Variants in TET2 observed in about 807,000 individuals in gnomAD.
TET2 encodes methylcytosine dioxygenase TET2.
Under a neutral mutation model 142.9 loss-of-function variants are expected in TET2, and 299 were observed. That is an observed-to-expected ratio of 2.09 (90% CI 1.90 to 2.30). The LOEUF (loss-of-function observed/expected upper bound fraction) is 2.30, where lower values mean the gene tolerates loss of function less well. Ranked by LOEUF, TET2 falls within the 30% of genes most tolerant of loss-of-function variation. The pLI is 0.00. For missense variants in TET2, 2,418 were observed against 2,378.0 expected, an observed-to-expected ratio of 1.02 and a Z score of -0.35; for synonymous variants, 819 against 849.0, an observed-to-expected ratio of 0.96 and a Z score of 0.61.
chr4:105,178,892 AT>A (rs972541322), intron 1 of TET2, among the ~76,000 whole-genome samples: 1 of 152,208 alleles, frequency 6.6e-6, no homozygotes. Flanking sequence ...AGACTGAGTA[AT>A]TTATAAAGGA....
intron 6 of TET2, among the ~76,000 whole-genome samples, chr4:105,258,861 G>A (rs1730278573): frequency 1.3e-5 from 2 of 152,068 alleles, no homozygotes; most frequent in Admixed American, 6.6e-5. Context: ...GGGCTATAAA[G>A]CTGTAATACT....
At chr4:105,208,399 A>G (rs1474413018) in intron 2 of TET2, among the ~76,000 whole-genome samples, 1 of 152,124 alleles carries the variant, frequency 6.6e-6, no homozygotes. Context: ...ACTCCCCAAC[A>G]TACTCCTCTG....
chr4:105,165,149 C>T (rs973242715), intron 1 of TET2, among the ~76,000 whole-genome samples: 26 of 151,976 alleles, frequency 1.7e-4, no homozygotes, highest in Non-Finnish European at 8.8e-5. Flanking sequence ...CCGAGGCGGG[C>T]AGATCACCTG....
intron 1 of TET2, among the ~76,000 whole-genome samples, chr4:105,163,381 T>C (rs189810244): frequency 6.6e-6 from 1 of 152,298 alleles, no homozygotes; most frequent in East Asian, 1.9e-4. Flanking sequence ...GAATCATGGA[T>C]TGCTACAAGC....
At chr4:105,182,164 T>C (rs1269431111) in intron 1 of TET2, among the ~76,000 whole-genome samples, 1 of 152,228 alleles carries the variant, frequency 6.6e-6, no homozygotes, top group African/African-American at 2.4e-5. Flanking sequence ...AACAGTTGCT[T>C]AATACTTTTT....
At chr4:105,153,630 C>T (rs1723422214) in intron 1 of TET2, among the ~76,000 whole-genome samples, 1 of 152,136 alleles carries the variant, frequency 6.6e-6, no homozygotes. Context: ...GAAACTGAAG[C>T]CCAGTGAGGT....
chr4:105,254,635 C>T (rs1210880797), intron 6 of TET2, among the ~76,000 whole-genome samples: 1 of 152,154 alleles, frequency 6.6e-6, no homozygotes, highest in Admixed American at 6.5e-5. Flanking sequence ...TGGTCTTGAA[C>T]TCCTGGACTC....
chr4:105,237,014 C>T lies in TET2; in HGVS notation c.3072C>T (p.Ile1024=). ...GTGATAATGTGCAGCAAAAGAGCAT[C>T]ATTGAGACCATGGAGCAGCATCTGA... ...ASCDNVQQKS[I]IETMEQHLKQ... Residue 1024 remains isoleucine, a synonymous_variant, in exon 3 of 11, where the codon ATC becomes ATT. Transcript: ENST00000380013. 1 of 1,614,138 alleles carries T rather than the reference C, an allele frequency of 6.2e-7. No individual in the cohort carries two copies. The highest frequency in any genetic ancestry group is 8.5e-7 in the Non-Finnish European group (1 of 1,180,020).
intron 1 of TET2, among the ~76,000 whole-genome samples, chr4:105,162,511 T>C (rs1283009709): frequency 2.0e-5 from 3 of 152,204 alleles, no homozygotes; most frequent in Non-Finnish European, 2.9e-5. Context: ...GCTTTTCACT[T>C]TGAACTTAAA....
chr4:105,204,229 ATAT>A (rs1403829963), intron 2 of TET2, among the ~76,000 whole-genome samples: 1 of 106,558 alleles, frequency 9.4e-6, no homozygotes, highest in African/African-American at 4.1e-5. Context: ...AAAAAAAAAA[ATAT>A]ATACACACAC....
chr4:105,266,499 C>A (rs576724257), intron 8 of TET2, among the ~76,000 whole-genome samples: 1 of 151,992 alleles, frequency 6.6e-6, no homozygotes, highest in South Asian at 2.1e-4. Flanking sequence ...ATATGTGATA[C>A]AATATGTAAA....
At chr4:105,184,958 T>C (rs1725339370) in intron 1 of TET2, among the ~76,000 whole-genome samples, 2 of 152,160 alleles carry the variant, frequency 1.3e-5, no homozygotes, top group African/African-American at 4.8e-5. Context: ...GGTGTACTAA[T>C]ATCACAAAGG....
chr4:105,214,409 C>T (rs1356408093), intron 2 of TET2, among the ~76,000 whole-genome samples: 3 of 144,952 alleles, frequency 2.1e-5, no homozygotes, highest in Non-Finnish European at 4.5e-5. Context: ...TAGGTTCAAG[C>T]AATCCTCCCA....
chr4:105,194,714 C>T (rs894496914), intron 2 of TET2, among the ~76,000 whole-genome samples: 1 of 152,150 alleles, frequency 6.6e-6, no homozygotes, highest in African/African-American at 2.4e-5. Context: ...GCTCTTCAAA[C>T]TGTACTCTTC....
intron 7 of TET2, among the ~76,000 whole-genome samples, chr4:105,261,049 C>T (rs1730397933): frequency 6.6e-6 from 1 of 151,958 alleles, no homozygotes; most frequent in Non-Finnish European, 1.5e-5. Flanking sequence ...TACATCTCTG[C>T]CAGGTGGTTA....
intron 2 of TET2, among the ~76,000 whole-genome samples, chr4:105,224,684 G>GTCCCTCTCTC (rs1728064716): frequency 9.3e-6 from 1 of 108,106 alleles, no homozygotes; most frequent in Non-Finnish European, 1.9e-5. Flanking sequence ...ATATCAGCCA[G>GTCCCTCTCTC]TCTCTCTCTC....
At chr4:105,226,584 C>CCCCTCCCTGTCTCCTT (rs1468384178) in intron 2 of TET2, among the ~76,000 whole-genome samples, 1 of 151,020 alleles carries the variant, frequency 6.6e-6, no homozygotes, top group Non-Finnish European at 1.5e-5. Context: ...GTGGCACGTC[C>CCCCTCCCTGTCTCCTT]CCCTCCCTGT....
rs1271599547 is a variant in TET2, at chr4:105,163,836, AGAGAGAGAGAGAGAGAGAGT to A, written c.-193+16859_-193+16878del. ...GAGAGAGAGAGAGAGAGAGAGAGAGAGAGAGAGAGAGAGAGAGAGTGTGTGTGTGTGTGTGTGTGTGTGTG... is the reference window on the plus strand; with the variant it reads ...GAGAGAGAGAGAGAGAGAGAGAGAGAGTGTGTGTGTGTGTGTGTGTGTGTG... On this transcript the variant is annotated intron_variant, in intron 1 of 10. Transcript: ENST00000380013. Among the ~76,000 whole-genome samples the A allele has an allele frequency of 4.0e-3, 494 of 123,798 alleles. 4 individuals are homozygous for A. Among genetic ancestry groups the A allele is most frequent in the African/African-American group, 0.015 (466 of 30,138 alleles). 81.2% of individuals were successfully genotyped at this position (123,798 alleles called of 152,430 possible). A position where few individuals can be genotyped will look rare whatever the true frequency, so the allele number is the denominator to read the frequency against.
At chr4:105,179,931 A>G (rs1162497622) in intron 1 of TET2, among the ~76,000 whole-genome samples, 6 of 152,240 alleles carry the variant, frequency 3.9e-5, no homozygotes, top group Non-Finnish European at 8.8e-5. Flanking sequence ...TTTTTCTAGC[A>G]TGCAGAGTAT....
Sources: gnomAD v4.1 joint callset for allele counts (sites outside exome capture counted in the v4.1 genomes callset) on GRCh38, gnomAD v4.1.1 for gene constraint, MANE v1.5 for transcripts, NCBI Gene and HGNC (gene_info 2026-07-23, HGNC 2026-07-21) for gene names.